The following SEMA5A variants were observed in gnomAD, a reference collection of about 807,000 sequenced individuals.
SEMA5A encodes the protein semaphorin-5A.
In SEMA5A, 55 loss-of-function variants were observed where a neutral mutation model predicts 135.5. The ratio of observed to expected loss-of-function variants is 0.41; its 90% CI spans 0.33 to 0.51. The LOEUF (loss-of-function observed/expected upper bound fraction) is 0.51. Ranked by LOEUF, SEMA5A falls within the 20% of genes least tolerant of loss-of-function variation. SEMA5A has a pLI of 0.37. For missense variants in SEMA5A, 1,290 were observed against 1,419.9 expected (o/e 0.91, Z 1.47); for synonymous variants, 580 against 546.5 (o/e 1.06, Z -0.85).
chr5:9,445,906 T>C (rs149888542), intron 1 of SEMA5A, among the ~76,000 whole-genome samples: 165 of 152,344 alleles, frequency 1.1e-3, no homozygotes, highest in African/African-American at 3.7e-3. Context: ...CTACAAGTTG[T>C]ATCCAAAGAG....
chr5:9,174,526 G>A (rs888671840), intron 11 of SEMA5A, among the ~76,000 whole-genome samples: 7 of 152,214 alleles, frequency 4.6e-5, no homozygotes, highest in South Asian at 2.1e-4. Flanking sequence ...ATTTTATCAC[G>A]CACTGGAGGA....
intron 5 of SEMA5A, among the ~76,000 whole-genome samples, chr5:9,275,067 A>G (rs973351376): frequency 6.6e-6 from 1 of 152,154 alleles, no homozygotes; most frequent in African/African-American, 2.4e-5. Context: ...AAGATCAACA[A>G]AATAGATAGA....
At chr5:9,182,723 G>A (rs1292711801) in intron 11 of SEMA5A, among the ~76,000 whole-genome samples, 1 of 150,848 alleles carries the variant, frequency 6.6e-6, no homozygotes, top group Non-Finnish European at 1.5e-5. Flanking sequence ...TAGAATGCCT[G>A]CTTATTTTTA....
At chr5:9,259,110 C>A (rs531477833) in intron 5 of SEMA5A, among the ~76,000 whole-genome samples, 2 of 152,286 alleles carry the variant, frequency 1.3e-5, no homozygotes, top group Admixed American at 1.3e-4. Context: ...GCATGAGCCA[C>A]CAGGCCCGGC....
intron 2 of SEMA5A, chr5:9,390,842 C>T (rs1247982222): frequency 1.3e-5 from 2 of 152,106 alleles, no homozygotes; most frequent in African/African-American, 4.8e-5. Flanking sequence ...TGCAAAAAAT[C>T]CAAAGTAGGT....
At chr5:9,052,092 A>C in intron 19 of SEMA5A, 64 bp from the exon 20 acceptor site, 49 of 1,447,078 alleles carry the variant, frequency 3.4e-5, no homozygotes, top group Non-Finnish European at 4.2e-5. Flanking sequence ...TCCTAGACTC[A>C]CTGGCAAGTT....
chr5:9,101,780 T>A (rs933146587), intron 16 of SEMA5A, among the ~76,000 whole-genome samples: 1 of 152,092 alleles, frequency 6.6e-6, no homozygotes, highest in African/African-American at 2.4e-5. Flanking sequence ...TATTCAATAG[T>A]AGCCTATATG....
intron 2 of SEMA5A, among the ~76,000 whole-genome samples, chr5:9,397,044 G>T (rs538718478): frequency 7.9e-6 from 1 of 126,262 alleles, no homozygotes; most frequent in South Asian, 2.6e-4. Flanking sequence ...AATGGAACAA[G>T]GAAGACAAAA....
intron 16 of SEMA5A, among the ~76,000 whole-genome samples, chr5:9,094,753 C>T (rs1218680971): frequency 2.0e-5 from 3 of 152,078 alleles, no homozygotes; most frequent in Non-Finnish European, 2.9e-5. Flanking sequence ...AGGGCAATTT[C>T]GTGGGATTAG....
At chr5:9,115,922 G>T (rs1483191663) in intron 15 of SEMA5A, among the ~76,000 whole-genome samples, 2 of 152,186 alleles carry the variant, frequency 1.3e-5, no homozygotes, top group Non-Finnish European at 2.9e-5. Flanking sequence ...TGCCCATCTT[G>T]CAAGGAGACT....
intron 13 of SEMA5A, among the ~76,000 whole-genome samples, chr5:9,126,073 T>A (rs552418816): frequency 6.6e-6 from 1 of 152,236 alleles, no homozygotes; most frequent in Admixed American, 6.5e-5. Flanking sequence ...CCTCAAGCAA[T>A]AACGGTGGTC....
intron 2 of SEMA5A, among the ~76,000 whole-genome samples, chr5:9,424,401 T>C (rs1216095826): frequency 6.6e-6 from 1 of 152,172 alleles, no homozygotes; most frequent in Non-Finnish European, 1.5e-5. Context: ...GCAAATGAAA[T>C]ATTATGAGGA....
At position 9,197,780 on chromosome 5, in the gene SEMA5A, G is replaced by GTGTGTGTGTGTGTGTGTGTGTGTGTA. The variant is rs1402121195; in HGVS notation, c.933-478_933-477insTACACACACACACACACACACACACA. The stretch of plus-strand genomic sequence containing the variant: ...TGTGTGTGTGTGTGTGTGTGTGTGT[G>GTGTGTGTGTGTGTGTGTGTGTGTGTA]TGTGTTTTAACCCAGATATTTGTTT... On this transcript the variant is annotated intron_variant, in intron 9 of 22. Coordinates refer to ENST00000382496, the MANE Select transcript of SEMA5A (RefSeq NM_003966.3). Among the ~76,000 whole-genome samples the GTGTGTGTGTGTGTGTGTGTGTGTGTA allele has an allele frequency of 5.0e-3, 519 of 103,988 alleles. 43 individuals carry two copies. The highest frequency in any genetic ancestry group is 9.4e-3 in the Middle Eastern group (2 of 212). The allele number at this position is 103,988 out of a possible 152,430, so 68.2% of individuals were successfully genotyped here.
In SEMA5A at chr5:9,465,848, C is replaced by T. The variant is rs568631724; in HGVS notation, c.-174-27996G>A. Among the ~76,000 whole-genome samples the T allele has an allele frequency of 4.3e-4, 66 of 152,274 alleles. No homozygotes were observed. In the Middle Eastern group the frequency reaches 0.01, roughly 24 times the overall value. ...TGTTTTGGGTCCTTGGGAAAAACAA[C>T]ATGTCATGCCCAGAATGATAAGGTG... On this transcript the variant is annotated intron_variant, in intron 1 of 22. Coordinates refer to ENST00000382496, the MANE Select transcript of SEMA5A (RefSeq NM_003966.3).
intron 5 of SEMA5A, among the ~76,000 whole-genome samples, chr5:9,289,110 G>C (rs1319192461): frequency 6.6e-6 from 1 of 152,120 alleles, no homozygotes; most frequent in Non-Finnish European, 1.5e-5. Flanking sequence ...TCATCAATGA[G>C]ATCTGGCATT....
chr5:9,254,839 A>G (rs1748979825), intron 5 of SEMA5A, among the ~76,000 whole-genome samples: 1 of 152,178 alleles, frequency 6.6e-6, no homozygotes, highest in South Asian at 2.1e-4. Flanking sequence ...GATAGAATGT[A>G]TGTGAGGATA....
chr5:9,319,985 G>A (rs568005881), intron 4 of SEMA5A, among the ~76,000 whole-genome samples: 3 of 152,190 alleles, frequency 2.0e-5, no homozygotes, highest in African/African-American at 4.8e-5. Context: ...CATGGAAGCC[G>A]GCACTCAGAA....
intron 5 of SEMA5A, among the ~76,000 whole-genome samples, chr5:9,290,961 T>C (rs1204029774): frequency 6.6e-6 from 1 of 152,188 alleles, no homozygotes; most frequent in African/African-American, 2.4e-5. Context: ...CCTTAGAAAC[T>C]CACTTTGGCA....
At position 9,541,176 on chromosome 5, in the gene SEMA5A, C is replaced by T. The variant is rs188706682; in HGVS notation, c.-175+4408G>A. ...CTCGCCTATAACTTACTTAATTTCA[C>T]GTCTCAACAAATATAGTATTATTTC... On this transcript the variant is annotated intron_variant, in intron 1 of 22. Coordinates refer to ENST00000382496, the MANE Select transcript of SEMA5A (RefSeq NM_003966.3). 1.4e-3 allele frequency among the ~76,000 whole-genome samples: 210 copies of T among 152,286 alleles called. 2 individuals are homozygous for T. The highest frequency in any genetic ancestry group is 4.6e-3 in the African/African-American group (192 of 41,554).
Sources: gnomAD v4.1 joint callset for allele counts (sites outside exome capture counted in the v4.1 genomes callset) on GRCh38, gnomAD v4.1.1 for gene constraint, MANE v1.5 for transcripts, NCBI Gene and HGNC (gene_info 2026-07-23, HGNC 2026-07-21) for gene names.